PTK2B: variants seen among roughly 807,000 people sequenced by gnomAD.
PTK2B encodes protein-tyrosine kinase 2-beta.
PTK2B carries 71 observed loss-of-function variants against 142.9 expected under a neutral mutation model. The observed-to-expected ratio is 0.50, with a 90% CI of 0.41 to 0.61. PTK2B has a LOEUF of 0.61. Ranked by LOEUF, PTK2B falls within the 20% of genes least tolerant of loss-of-function variation. The probability of loss-of-function intolerance (pLI) is 0.00; values close to 1 mark genes in which losing one functional copy is unlikely to be tolerated. For synonymous variants in PTK2B, 519 were observed against 503.4 expected (o/e 1.03, Z -0.42); for missense variants, 1,105 against 1,320.4 (o/e 0.84, Z 2.53).
intron 1 of PTK2B, among the ~76,000 whole-genome samples, chr8:27,387,383 G>A (rs952469568): frequency 2.0e-5 from 3 of 152,216 alleles, no homozygotes; most frequent in Non-Finnish European, 2.9e-5. Context: ...ATGCAAATGT[G>A]AAGCTCCTCT....
chr8:27,427,288 C>T (rs2131958146), intron 5 of PTK2B, among the ~76,000 whole-genome samples: 1 of 152,326 alleles, frequency 6.6e-6, no homozygotes, highest in South Asian at 2.1e-4. Context: ...CTAAGGGTCT[C>T]TTCATCTTGA....
At chr8:27,338,243 G>A (rs1389312420) in intron 1 of PTK2B, among the ~76,000 whole-genome samples, 8 of 152,098 alleles carry the variant, frequency 5.3e-5, no homozygotes, top group Admixed American at 5.2e-4. Context: ...TCAGTACACT[G>A]CTTTTTAGAC....
chr8:27,323,451 C>T (rs1052772878), upstream of PTK2B: 3 of 152,402 alleles, frequency 2.0e-5, no homozygotes, highest in Non-Finnish European at 4.4e-5. Context: ...AACACCCCCA[C>T]AATTAGGGCC....
At chr8:27,426,174 G>A (rs1256341357) in intron 5 of PTK2B, among the ~76,000 whole-genome samples, 1 of 152,236 alleles carries the variant, frequency 6.6e-6, no homozygotes, top group African/African-American at 2.4e-5. Flanking sequence ...AGCTTGCTTT[G>A]CTTCAAAAGG....
chr8:27,395,580 T>C (rs1807996739), intron 1 of PTK2B, among the ~76,000 whole-genome samples: 1 of 152,224 alleles, frequency 6.6e-6, no homozygotes, highest in African/African-American at 2.4e-5. Flanking sequence ...CTGCCAGCTC[T>C]GCACCTCTGT....
chr8:27,411,448 A>T lies in PTK2B; in HGVS notation c.205-8447A>T, dbSNP rs139940715. 4.6e-3 allele frequency among the ~76,000 whole-genome samples: 693 copies of T among 152,272 alleles called. 2 individuals carry two copies. The highest frequency in any genetic ancestry group is 8.1e-3 in the Non-Finnish European group (552 of 68,014). ...AAGGAGCTCCTTGAGGCAAGGGCCT[A>T]TGTGTGTGCACGAGAGCCCCTATCT... On this transcript the variant is annotated intron_variant, in intron 2 of 30. Coordinates refer to ENST00000346049, the MANE Select transcript of PTK2B (RefSeq NM_173176.3).
At position 27,458,488 on chromosome 8, in the gene PTK2B, G is replaced by A; in HGVS notation, c.3009G>A (p.Leu1003=). The A allele has an allele frequency of 1.3e-5, 21 of 1,582,434 alleles. No homozygotes were observed. The highest frequency in any genetic ancestry group is 1.8e-5 in the Non-Finnish European group (21 of 1,164,682). The change falls in exon 31 of 31, where the codon CTG becomes CTA. Residue 1003 remains leucine (L), a synonymous_variant. Transcript: ENST00000346049. ...AVDQAKVLAN[L]AHPPAE ...ACCAGGCCAAGGTTCTGGCCAATCT[G>A]GCCCACCCACCTGCAGAGTGACGGA...
intron 24 of PTK2B, among the ~76,000 whole-genome samples, chr8:27,448,642 G>A (rs11776693): frequency 0.41 from 62,072 of 152,108 alleles, 13,276 homozygotes; most frequent in Middle Eastern, 0.54. Context: ...CTTGATTCTA[G>A]TAGCTCATCC....
At chr8:27,405,721 A>G (rs879695454) in intron 2 of PTK2B, among the ~76,000 whole-genome samples, 22 of 152,296 alleles carry the variant, frequency 1.4e-4, no homozygotes, top group Admixed American at 6.5e-4. Context: ...CATTGCATCC[A>G]CAAATTGGCA....
intron 18 of PTK2B, among the ~76,000 whole-genome samples, chr8:27,438,498 G>A: frequency 1.6e-4 from 1 of 6,258 alleles, no homozygotes. Flanking sequence ...TGCGATCCTG[G>A]TATCCTAAGT....
At chr8:27,438,016 C>T (rs1370567380) in intron 18 of PTK2B, 136 bp downstream of exon 18, 9 of 729,524 alleles carry the variant, frequency 1.2e-5, no homozygotes, top group East Asian at 5.4e-5. Context: ...CAGCTTTGAG[C>T]ACTTGAGCAA....
intron 2 of PTK2B, among the ~76,000 whole-genome samples, chr8:27,408,383 C>T (rs1226315160): frequency 6.6e-6 from 1 of 152,248 alleles, no homozygotes; most frequent in Non-Finnish European, 1.5e-5. Flanking sequence ...AGAATCTAGA[C>T]AGACAGGCCT....
intron 24 of PTK2B, 94 bp from the exon 25 acceptor site, chr8:27,450,655 G>C (rs1006058590): frequency 3.4e-5 from 51 of 1,488,108 alleles, no homozygotes; most frequent in Middle Eastern, 3.5e-4. Flanking sequence ...GCCAAGGCTT[G>C]CAGCTGCCAT....
intron 3 of PTK2B, among the ~76,000 whole-genome samples, chr8:27,319,816 A>G (rs137872614): frequency 6.6e-6 from 1 of 152,180 alleles, no homozygotes; most frequent in African/African-American, 2.4e-5. Flanking sequence ...CTTAACTTAT[A>G]TCTAAAAGAA....
intron 2 of PTK2B, among the ~76,000 whole-genome samples, chr8:27,401,234 T>TCAAGAGAACCAGGAGAACAAGAG (rs1000996312): frequency 2.0e-5 from 3 of 147,844 alleles, no homozygotes; most frequent in South Asian, 4.3e-4. Context: ...CAAGAATCAG[T>TCAAGAGAACCAGGAGAACAAGAG]CAAGAGAACC....
intron 2 of PTK2B, among the ~76,000 whole-genome samples, chr8:27,419,424 C>T (rs1464006966): frequency 2.0e-5 from 3 of 152,220 alleles, no homozygotes; most frequent in Non-Finnish European, 4.4e-5. Flanking sequence ...ATTAGTTTCT[C>T]CATCAGCCAC....
intron 1 of PTK2B, among the ~76,000 whole-genome samples, chr8:27,336,498 A>G (rs1441935458): frequency 1.3e-5 from 2 of 152,222 alleles, no homozygotes; most frequent in Non-Finnish European, 2.9e-5. Context: ...TGTGCCTGAT[A>G]TAAGGCAGCT....
rs527933742 is a variant in PTK2B at position 27,422,330 on chromosome 8, C to T, written c.498C>T (p.Tyr166=). Reference sequence around the variant, plus strand: ...TCCGGAACGACTACATGCAGCGCTACGCCAGCAAGGTCAGCGAGGGCATGG... The same window carrying T: ...TCCGGAACGACTACATGCAGCGCTATGCCAGCAAGGTCAGCGAGGGCATGG... ...QQLRNDYMQR[Y]ASKVSEGMAL... Residue 166 remains tyrosine, a synonymous_variant, in exon 5 of 31, where the codon TAC becomes TAT. Transcript: ENST00000346049. 41 of 1,613,800 alleles carry T rather than the reference C, an allele frequency of 2.5e-5. No homozygotes were observed. The highest frequency in any genetic ancestry group is 3.3e-4 in the Middle Eastern group (2 of 6,060).
At position 27,336,545 on chromosome 8, in the gene PTK2B, TA is replaced by T. The variant is rs1804076274; in HGVS notation, c.-38+10869del. ...ATAAGGAGGGCTGCTAAAAAAAAATTAAAAAGCTTATTTTCATATGTAAACT... is the reference window on the plus strand; with the variant it reads ...ATAAGGAGGGCTGCTAAAAAAAAATTAAAAGCTTATTTTCATATGTAAACT... On this transcript the variant is annotated intron_variant, in intron 1 of 30. Coordinates refer to ENST00000346049, the MANE Select transcript of PTK2B (RefSeq NM_173176.3). 2.6e-5 allele frequency among the ~76,000 whole-genome samples: 4 copies of T among 152,206 alleles called. No individual in the cohort carries two copies. In the South Asian group the frequency reaches 6.2e-4, roughly 24 times the overall value.
Sources: gnomAD v4.1 joint callset for allele counts (sites outside exome capture counted in the v4.1 genomes callset) on GRCh38, gnomAD v4.1.1 for gene constraint, MANE v1.5 for transcripts, NCBI Gene and HGNC (gene_info 2026-07-23, HGNC 2026-07-21) for gene names.